ENKUR: variants seen among roughly 807,000 people sequenced by gnomAD.
ENKUR encodes enkurin.
Under a neutral mutation model 27.6 loss-of-function variants are expected in ENKUR, and 19 were observed. That is an observed-to-expected ratio of 0.69 (90% confidence interval 0.48 to 1.01). The LOEUF (loss-of-function observed/expected upper bound fraction) is 1.01. ENKUR is among the 50% of genes least tolerant of loss of function. The pLI is 0.00. For missense variants in ENKUR, 312 were observed against 310.5 expected, an observed-to-expected ratio of 1.00 and a Z score of -0.04; for synonymous variants, 117 against 96.9, an observed-to-expected ratio of 1.21 and a Z score of -1.22.
chr10:25,058,318 CT>C (rs1851283185), intron 2 of ENKUR, among the ~76,000 whole-genome samples: 1 of 152,080 alleles, frequency 6.6e-6, no homozygotes, highest in Admixed American at 6.6e-5. Context: ...AGTGATCCTC[CT>C]GCCTCAGCCA....
At chr10:25,033,825 GTC>G (rs1554773529) in intron 2 of ENKUR, among the ~76,000 whole-genome samples, 5 of 148,620 alleles carry the variant, frequency 3.4e-5, no homozygotes, top group African/African-American at 7.6e-5. Flanking sequence ...GTGTGTGTGT[GTC>G]TATCTATCTA....
At chr10:25,007,155 A>T (rs913643156) in intron 1 of ENKUR, among the ~76,000 whole-genome samples, 26 of 152,194 alleles carry the variant, frequency 1.7e-4, no homozygotes, top group African/African-American at 6.0e-4. Context: ...TAACAGACTG[A>T]CATATTTCCC....
At chr10:25,023,181 A>C (rs1226563727) in intron 2 of ENKUR, 21 of 1,564,414 alleles carry the variant, frequency 1.3e-5, no homozygotes, top group Non-Finnish European at 1.7e-5. Flanking sequence ...AAAAGGGCTA[A>C]AGCCAATTTT....
At chr10:25,026,693 A>AGATG (rs1193238022) in intron 2 of ENKUR, 2 of 156,716 alleles carry the variant, frequency 1.3e-5, no homozygotes, top group African/African-American at 4.8e-5. Flanking sequence ...GTCAACCACA[A>AGATG]GATGGCATTC....
chr10:24,991,268 T>TTTCTACC (rs1849922236), intron 3 of ENKUR, among the ~76,000 whole-genome samples: 1 of 152,064 alleles, frequency 6.6e-6, no homozygotes, highest in African/African-American at 2.4e-5. Context: ...AGAGTTGGCT[T>TTTCTACC]TTCTACCTTC....
In ENKUR at chr10:24,990,495, G is replaced by C; in HGVS notation, c.562C>G (p.Leu188Val). 6.2e-7 allele frequency: 1 copy of C among 1,613,632 alleles called. No individual in the cohort carries two copies. Among genetic ancestry groups the C allele is most frequent in the South Asian group, 1.1e-5 (1 of 90,882 alleles). Residue 188 changes from leucine (L) to valine (V), a missense_variant, in exon 4 of 6, where the codon CTC (leucine) becomes GTC (valine). By Grantham distance (32) the Leu-to-Val change is conservative (BLOSUM62 1). Coordinates refer to ENST00000331161, the MANE Select transcript of ENKUR (RefSeq NM_145010.4). Reference protein sequence around the residue: ...ENLKKAAMKRLSDEEREAVLQ... With the variant: ...ENLKKAAMKRVSDEEREAVLQ... ...ACTGCCTCCCTTTCTTCATCGGAGAGCCTTTTCATAGCTGCTTTCTTAAGG... is the reference window on the plus strand; with the variant it reads ...ACTGCCTCCCTTTCTTCATCGGAGACCCTTTTCATAGCTGCTTTCTTAAGG...
chr10:25,057,380 TACACACACACACAC>T lies in ENKUR; in HGVS notation c.37+3718_37+3731del, dbSNP rs139515865. Among the ~76,000 whole-genome samples, 177 of 117,798 alleles carry T rather than the reference TACACACACACACAC, an allele frequency of 1.5e-3. 2 individuals carry two copies. Among genetic ancestry groups the T allele is most frequent in the Admixed American group, 8.4e-3 (96 of 11,392 alleles). The allele number at this position is 117,798 out of a possible 152,430, so 77.3% of individuals were successfully genotyped here. ...ATCAGCTTAACCCTCTGCACTTTGG[TACACACACACACAC>T]ACACACACACACACACACACACACA... On this transcript the variant is annotated intron_variant, in intron 2 of 5. Transcript: ENST00000615958.
intron 1 of ENKUR, among the ~76,000 whole-genome samples, chr10:25,013,212 G>A (rs1389370287): frequency 2.6e-5 from 4 of 152,158 alleles, no homozygotes; most frequent in African/African-American, 4.8e-5. Flanking sequence ...ACCCAGTCTC[G>A]AGTATGTCTT....
At chr10:24,991,619 T>C (rs1001494709) in intron 3 of ENKUR, among the ~76,000 whole-genome samples, 8 of 152,128 alleles carry the variant, frequency 5.3e-5, no homozygotes, top group African/African-American at 1.7e-4. Flanking sequence ...GCTGCCCGGC[T>C]CCAGGGAAAA....
At chr10:25,027,370 A>AAAAAAAAAC (rs1850874846) in intron 2 of ENKUR, among the ~76,000 whole-genome samples, 1 of 142,674 alleles carries the variant, frequency 7.0e-6, no homozygotes, top group East Asian at 2.1e-4. Context: ...AAAAAAAAAA[A>AAAAAAAAAC]AAAAAAAAAA....
chr10:25,015,502 A>G (rs780968062), intron 1 of ENKUR, among the ~76,000 whole-genome samples: 2 of 152,244 alleles, frequency 1.3e-5, no homozygotes, highest in East Asian at 3.8e-4. Context: ...AACATCAAGT[A>G]TCCTTAAACA....
chr10:25,035,194 G>A (rs1850993245), intron 2 of ENKUR, among the ~76,000 whole-genome samples: 1 of 152,190 alleles, frequency 6.6e-6, no homozygotes, highest in Admixed American at 6.5e-5. Context: ...CATGAACTCA[G>A]TTGGTCAAAC....
chr10:25,007,101 C>T (rs1308890768), intron 1 of ENKUR, among the ~76,000 whole-genome samples: 1 of 152,148 alleles, frequency 6.6e-6, no homozygotes, highest in Non-Finnish European at 1.5e-5. Flanking sequence ...CAGACACAGT[C>T]TTATTCTGTA....
rs1409503885 is a variant in ENKUR, at chr10:25,024,350, T to C, written c.38-28481A>G. The C allele has an allele frequency of 1.2e-6, 2 of 1,614,046 alleles. No homozygotes were observed. Among genetic ancestry groups the C allele is most frequent in the African/African-American group, 1.3e-5 (1 of 74,946 alleles). On this transcript the variant is annotated intron_variant, in intron 2 of 5. Transcript: ENST00000615958. Reference sequence around the variant, plus strand: ...CCAAGTTGCAATTATATGATACTTGTAGCTACTTCAGGAGACACAGGGAGT... The same window carrying C: ...CCAAGTTGCAATTATATGATACTTGCAGCTACTTCAGGAGACACAGGGAGT...
intron 4 of ENKUR, among the ~76,000 whole-genome samples, chr10:24,988,244 ATATATATGTGTATATATATATT>A (rs1335173492): frequency 5.0e-4 from 70 of 140,696 alleles, no homozygotes; most frequent in African/African-American, 1.9e-3. Context: ...GTATATATAT[ATATATATGTGTATATATATATT>A]TATATATATG....
chr10:24,995,657 T>C lies in ENKUR; in HGVS notation c.436A>G (p.Ile146Val), dbSNP rs568245735. Residue 146 changes from isoleucine to valine, a missense_variant, in exon 3 of 6, where the codon ATC becomes GTC. Physicochemically the swap from Ile to Val is conservative, Grantham distance 29 (BLOSUM62 3). Transcript: ENST00000331161. ...TACCACAAGGCTACCTTTTTATTGATGTACTTTGGAACTAGTCCTGAAGGC... is the reference window on the plus strand; with the variant it reads ...TACCACAAGGCTACCTTTTTATTGACGTACTTTGGAACTAGTCCTGAAGGC... ...LEPSGLVPKYINKKDYGVTPE... is the reference protein window; with the variant it reads ...LEPSGLVPKYVNKKDYGVTPE... 3 of 1,610,086 alleles carry C rather than the reference T, an allele frequency of 1.9e-6. No homozygotes were observed. Among genetic ancestry groups the C allele is most frequent in the Admixed American group, 1.7e-5 (1 of 59,206 alleles).
chr10:25,023,367 A>T, intron 2 of ENKUR: 1 of 1,614,180 alleles, frequency 6.2e-7, no homozygotes, highest in South Asian at 1.1e-5. Context: ...CATGGTATTC[A>T]ACCCACTCTC....
rs552853335 is a variant in ENKUR, at chr10:25,032,786, C to T, written c.37+28326G>A. Reference sequence around the variant, plus strand: ...TCTCTTCCCCTGCTGTATTTGTCAGCTTATGACTTTCCTTTTTCATGGATT... The same window carrying T: ...TCTCTTCCCCTGCTGTATTTGTCAGTTTATGACTTTCCTTTTTCATGGATT... On this transcript the variant is annotated intron_variant, in intron 2 of 5. Coordinates refer to the ENKUR transcript ENST00000615958. 2.9e-3 allele frequency among the ~76,000 whole-genome samples: 447 copies of T among 152,230 alleles called. 8 individuals carry two copies. Among genetic ancestry groups the T allele is most frequent in the Middle Eastern group, 0.024 (7 of 294 alleles).
At chr10:25,058,728 C>T (rs751900395) in intron 2 of ENKUR, among the ~76,000 whole-genome samples, 4 of 151,718 alleles carry the variant, frequency 2.6e-5, no homozygotes, top group East Asian at 2.0e-4. Context: ...GTCAGGAGTT[C>T]GAGACCAGCC....
Sources: gnomAD v4.1 joint callset for allele counts (sites outside exome capture counted in the v4.1 genomes callset) on GRCh38, gnomAD v4.1.1 for gene constraint, MANE v1.5 for transcripts, NCBI Gene and HGNC (gene_info 2026-07-23, HGNC 2026-07-21) for gene names.